The following DPY19L4 variants were observed in gnomAD, a reference collection of about 807,000 sequenced individuals.
DPY19L4 encodes dpy-19 like 4, also known as probable C-mannosyltransferase DPY19L4.
A neutral mutation model predicts 102.8 loss-of-function variants in DPY19L4; 97 were observed. The observed-to-expected ratio is 0.94, with a 90% CI of 0.80 to 1.12. The LOEUF (loss-of-function observed/expected upper bound fraction) is 1.12. Ranked by LOEUF, DPY19L4 falls within the 50% of genes most tolerant of loss-of-function variation. The pLI is 0.00. For missense variants in DPY19L4, 815 were observed against 850.4 expected (o/e 0.96, Z 0.52); for synonymous variants, 252 against 283.1 (o/e 0.89, Z 1.10).
intron 12 of DPY19L4, among the ~76,000 whole-genome samples, chr8:94,769,543 T>C (rs945979840): frequency 6.6e-6 from 1 of 152,130 alleles, no homozygotes; most frequent in African/African-American, 2.4e-5. Context: ...GTTAGCAGTA[T>C]AAGTAATTTT....
At position 94,780,774 on chromosome 8, in the gene DPY19L4, T is replaced by G. The variant is rs559367351; in HGVS notation, c.1633-310T>G. 2.0e-3 allele frequency among the ~76,000 whole-genome samples: 307 copies of G among 152,280 alleles called. 2 individuals are homozygous for G. The highest frequency in any genetic ancestry group is 3.5e-3 in the Admixed American group (54 of 15,296). On this transcript the variant is annotated intron_variant, in intron 15 of 18. Coordinates refer to ENST00000414645, the MANE Select transcript of DPY19L4 (RefSeq NM_181787.3). ...GCAAATTATTGGACCTGAAAATTTA[T>G]TTATTTATTTAGTATGTATGTGCCT...
intron 6 of DPY19L4, among the ~76,000 whole-genome samples, chr8:94,748,589 A>G (rs1168162496): frequency 6.6e-6 from 1 of 152,074 alleles, no homozygotes; most frequent in Non-Finnish European, 1.5e-5. Context: ...GCCTCACAGC[A>G]GGAGGTGAGT....
chr8:94,781,187 G>T (rs1203939199), intron 16 of DPY19L4, 21 bp downstream of exon 16: 1 of 1,537,706 alleles, frequency 6.5e-7, no homozygotes, highest in Admixed American at 2.1e-5. Context: ...AAGTGCCCAA[G>T]ACTATTATTA....
intron 16 of DPY19L4, among the ~76,000 whole-genome samples, chr8:94,782,636 G>C (rs963159126): frequency 6.6e-6 from 1 of 151,614 alleles, no homozygotes; most frequent in African/African-American, 2.4e-5. Context: ...AAAAATATGG[G>C]AAAAAAGACA....
At chr8:94,764,689 G>GTATA (rs1189470959) in intron 8 of DPY19L4, among the ~76,000 whole-genome samples, 829 of 43,188 alleles carry the variant, frequency 0.019, 4 homozygotes, top group Middle Eastern at 0.029. Context: ...GTCTGTGTGT[G>GTATA]TATATATATA....
intron 13 of DPY19L4, 133 bp downstream of exon 13, chr8:94,770,704 G>C: frequency 2.6e-6 from 3 of 1,136,286 alleles, no homozygotes. Context: ...TTGAGACAGT[G>C]TGACTCTGTC....
intron 1 of DPY19L4, among the ~76,000 whole-genome samples, chr8:94,723,682 A>C (rs1203436642): frequency 6.6e-6 from 1 of 152,176 alleles, no homozygotes; most frequent in Non-Finnish European, 1.5e-5. Flanking sequence ...TACTGTATTT[A>C]TCGAGTCGTA....
At chr8:94,740,982 T>C (rs534320375) in intron 6 of DPY19L4, among the ~76,000 whole-genome samples, 6 of 152,178 alleles carry the variant, frequency 3.9e-5, no homozygotes, top group Non-Finnish European at 8.8e-5. Flanking sequence ...GTCCCCCTTT[T>C]TATGTTGAAG....
chr8:94,785,890 C>G (rs1186505265), intron 17 of DPY19L4, among the ~76,000 whole-genome samples: 1 of 152,076 alleles, frequency 6.6e-6, no homozygotes, highest in Admixed American at 6.5e-5. Flanking sequence ...TGGTCTTTTT[C>G]TAATATGGAA....
At position 94,731,903 on chromosome 8, in the gene DPY19L4, G is replaced by T. The variant is rs184944958; in HGVS notation, c.128-2727G>T. 8.1e-4 allele frequency among the ~76,000 whole-genome samples: 123 copies of T among 152,194 alleles called. 3 individuals are homozygous for T. The East Asian group carries it at 0.022, about 27-fold the overall frequency. On this transcript the variant is annotated intron_variant, in intron 2 of 18. Coordinates refer to ENST00000414645, the MANE Select transcript of DPY19L4 (RefSeq NM_181787.3). ...CCGCCTCAGCCTCCCGAGTAGCTGG[G>T]ACTACAGGTGCCCGCCACCACACCT...
chr8:94,773,760 G>A (rs1243488454), intron 13 of DPY19L4, among the ~76,000 whole-genome samples: 1 of 151,588 alleles, frequency 6.6e-6, no homozygotes, highest in Non-Finnish European at 1.5e-5. Flanking sequence ...GACAGGCTGG[G>A]TGTGGCGGCT....
In DPY19L4 at chr8:94,768,522, T is replaced by C. The variant is rs761141382; in HGVS notation, c.1303T>C (p.Ser435Pro). The C allele has an allele frequency of 6.4e-7, 1 of 1,558,016 alleles. No homozygotes were observed. Among genetic ancestry groups the C allele is most frequent in the Non-Finnish European group, 8.8e-7 (1 of 1,140,364 alleles). The stretch of plus-strand genomic sequence containing the variant: ...TCTAGTGTTAATTATTTGTTTTCTT[T>C]CTATGTTGCAAGTTATTTTTAGGAG... The part of the protein sequence containing the change: ...YILVLIICFL[S>P]MLQVIFRRIN... Residue 435 changes from serine to proline, a missense_variant, in exon 12 of 19, where the codon TCT (serine) becomes CCT (proline). Coordinates refer to ENST00000414645, the MANE Select transcript of DPY19L4 (RefSeq NM_181787.3).
intron 13 of DPY19L4, among the ~76,000 whole-genome samples, chr8:94,775,807 AT>A (rs945503598): frequency 4.6e-5 from 7 of 151,862 alleles, no homozygotes; most frequent in Non-Finnish European, 7.4e-5. Context: ...TTGAAATGTT[AT>A]TTTTTTTCTT....
Position 94,739,754 on chromosome 8 carries a change from C to T in DPY19L4, c.575C>T (p.Ala192Val), listed in dbSNP as rs147079289. Reference sequence around the variant, plus strand: ...TGGCTTATGAGTGGAACATGGCTAGCAGGAATGCTTACTGTTGCGTGGTTC... The same window carrying T: ...TGGCTTATGAGTGGAACATGGCTAGTAGGAATGCTTACTGTTGCGTGGTTC... Reference protein sequence around the residue: ...TSWLMSGTWLAGMLTVAWFVI... With the variant: ...TSWLMSGTWLVGMLTVAWFVI... Residue 192 changes from alanine (A) to valine (V), a missense_variant, in exon 6 of 19, where the codon GCA becomes GTA. By Grantham distance (64) the Ala-to-Val change is moderately conservative (BLOSUM62 0). Coordinates refer to ENST00000414645, the MANE Select transcript of DPY19L4 (RefSeq NM_181787.3). 7.6e-4 allele frequency: 1,229 copies of T among 1,612,622 alleles called. 17 individuals carry two copies. Among genetic ancestry groups the T allele is most frequent in the Non-Finnish European group, 2.1e-4 (248 of 1,180,028 alleles).
rs753121539 is a variant in DPY19L4 at position 94,790,859 on chromosome 8, A to G, written c.*949A>G. 5 of 152,156 alleles carry G rather than the reference A, an allele frequency of 3.3e-5. No homozygotes were observed. The highest frequency in any genetic ancestry group is 7.4e-5 in the Non-Finnish European group (5 of 67,966). 9.4% of individuals were successfully genotyped at this position (152,156 alleles called of 1,614,324 possible). A position where few individuals can be genotyped will look rare whatever the true frequency, so the allele number is the denominator to read the frequency against. On this transcript the variant is annotated 3_prime_UTR_variant, in exon 19 of 19. Transcript: ENST00000414645. ...GATGTTGTTAAACGTACCTCTGCATACAGATATATTATAAAACACAAGCAA... is the reference window on the plus strand; with the variant it reads ...GATGTTGTTAAACGTACCTCTGCATGCAGATATATTATAAAACACAAGCAA...
At chr8:94,759,130 T>C (rs569915245) in intron 7 of DPY19L4, among the ~76,000 whole-genome samples, 14 of 152,072 alleles carry the variant, frequency 9.2e-5, no homozygotes, top group African/African-American at 3.4e-4. Flanking sequence ...GGTAGCAAGG[T>C]TTATTGTGAC....
At chr8:94,784,281 G>A (rs1343300789) in intron 17 of DPY19L4, among the ~76,000 whole-genome samples, 2 of 151,828 alleles carry the variant, frequency 1.3e-5, no homozygotes, top group African/African-American at 4.8e-5. Flanking sequence ...CGCAATCTCG[G>A]CTCACTGCAA....
At chr8:94,746,296 G>A (rs967371714) in intron 6 of DPY19L4, among the ~76,000 whole-genome samples, 8 of 150,928 alleles carry the variant, frequency 5.3e-5, no homozygotes, top group African/African-American at 2.0e-4. Flanking sequence ...CCTGAACTTA[G>A]GCGATTCACC....
At chr8:94,732,914 G>A (rs1174508985) in intron 2 of DPY19L4, among the ~76,000 whole-genome samples, 1 of 149,192 alleles carries the variant, frequency 6.7e-6, no homozygotes, top group African/African-American at 2.5e-5. Flanking sequence ...GGGCTAAAGC[G>A]ATTATCCTGC....
Sources: allele counts gnomAD v4.1 joint callset (sites outside exome capture counted in the v4.1 genomes callset), GRCh38; gene constraint gnomAD v4.1.1; transcripts MANE v1.5; gene names NCBI Gene and HGNC (gene_info 2026-07-23, HGNC 2026-07-21).